ANXA11: variants seen among roughly 807,000 people sequenced by gnomAD.
ANXA11 encodes 56 kDa autoantigen.
ANXA11 carries 57 observed loss-of-function variants against 64.7 expected under a neutral mutation model. That is an observed-to-expected ratio of 0.88 (90% confidence interval 0.71 to 1.10). ANXA11 has a LOEUF of 1.10. ANXA11 is among the 50% of genes least tolerant of loss of function. The probability of loss-of-function intolerance (pLI) is 0.00; values close to 1 mark genes in which losing one functional copy is unlikely to be tolerated. For missense variants in ANXA11, 675 were observed against 670.7 expected (o/e 1.01, Z -0.07); for synonymous variants, 260 against 265.2 (o/e 0.98, Z 0.19).
chr10:80,165,403 C>T (rs1335899888), intron 8 of ANXA11, among the ~76,000 whole-genome samples: 1 of 152,188 alleles, frequency 6.6e-6, no homozygotes, highest in African/African-American at 2.4e-5. Flanking sequence ...AGGACCCAAC[C>T]CTCAGTCAAA....
chr10:80,166,104 C>T lies in ANXA11; in HGVS notation c.838G>A (p.Glu280Lys). 6.2e-7 allele frequency: 1 copy of T among 1,607,148 alleles called. No homozygotes were observed. Among genetic ancestry groups the T allele is most frequent in the Non-Finnish European group, 8.5e-7 (1 of 1,174,360 alleles). ...CACACCTTGATGGCTTCCTTTATCT[C>T]ATAAATGTCAAAGAGGACTGGGGTC... Reference protein sequence around the residue: ...MKTPVLFDIYEIKEAIKGVGT... With the variant: ...MKTPVLFDIYKIKEAIKGVGT... The change falls in exon 8 of 16, where the codon GAG becomes AAG. Residue 280 changes from glutamate to lysine, a missense_variant. By Grantham distance (56) the Glu-to-Lys change is moderately conservative. Transcript: ENST00000422982.
At chr10:80,171,691 A>G in intron 3 of ANXA11, 16 of 985,482 alleles carry the variant, frequency 1.6e-5, no homozygotes, top group Non-Finnish European at 1.8e-5. Flanking sequence ...TTTCCTCTAC[A>G]TGGCAGCTTC....
Position 80,166,070 on chromosome 10 carries a change from A to G in ANXA11, c.858+14T>C. 7.1e-7 allele frequency: 1 copy of G among 1,414,138 alleles called. No homozygotes were observed. Among genetic ancestry groups the G allele is most frequent in the Non-Finnish European group, 1.0e-6 (1 of 1,003,668 alleles). 87.6% of individuals were successfully genotyped at this position (1,414,138 alleles called of 1,614,324 possible). A position where few individuals can be genotyped will look rare whatever the true frequency, so the allele number is the denominator to read the frequency against. ...CACACACACACACACACACACACAC[A>G]CACACGTACACACCTTGATGGCTTC... is the stretch of plus-strand genomic sequence containing the variant. On this transcript the variant is annotated intron_variant, in intron 8 of 15. Coordinates refer to ENST00000422982, the MANE Select transcript of ANXA11 (RefSeq NM_145868.2).
chr10:80,184,570 A>G (rs1208543811), intron 1 of ANXA11, among the ~76,000 whole-genome samples: 4 of 151,796 alleles, frequency 2.6e-5, no homozygotes, highest in Non-Finnish European at 5.9e-5. Flanking sequence ...TTATATAACT[A>G]ATACGAGAGA....
chr10:80,166,225 AC>A (rs765554597), intron 7 of ANXA11, 28 bp from the exon 8 acceptor site: 8 of 1,325,444 alleles, frequency 6.0e-6, no homozygotes, highest in Admixed American at 3.9e-5. Context: ...CAAACAACCA[AC>A]AAAAAAAAAA....
chr10:80,183,400 T>C (rs1846425096), intron 1 of ANXA11, among the ~76,000 whole-genome samples: 1 of 152,208 alleles, frequency 6.6e-6, no homozygotes, highest in Non-Finnish European at 1.5e-5. Context: ...TCCTCTGGGA[T>C]CTCAGGATTT....
intron 14 of ANXA11, 52 bp from the exon 15 acceptor site, chr10:80,157,815 C>T: frequency 6.3e-7 from 1 of 1,598,536 alleles, no homozygotes; most frequent in Non-Finnish European, 8.5e-7. Flanking sequence ...CACCTTCCCA[C>T]CTGCCCTGGG....
chr10:80,197,792 C>T (rs1486467709), intron 1 of ANXA11, among the ~76,000 whole-genome samples: 3 of 152,170 alleles, frequency 2.0e-5, no homozygotes, highest in Middle Eastern at 3.4e-3. Flanking sequence ...AGCGCAGTGG[C>T]GGGCGCCTGT....
At chr10:80,175,325 T>C (rs1013553234) in intron 2 of ANXA11, among the ~76,000 whole-genome samples, 1 of 152,068 alleles carries the variant, frequency 6.6e-6, no homozygotes, top group Middle Eastern at 3.2e-3. Context: ...CGGGATGGTG[T>C]CTCTGTCACC....
intron 15 of ANXA11, among the ~76,000 whole-genome samples, chr10:80,156,154 C>A (rs541501671): frequency 1.3e-5 from 2 of 152,254 alleles, no homozygotes; most frequent in South Asian, 2.1e-4. Flanking sequence ...CAAATGAATA[C>A]CCACAAAAAA....
intron 1 of ANXA11, among the ~76,000 whole-genome samples, chr10:80,200,580 T>C (rs1840377537): frequency 6.6e-6 from 1 of 152,222 alleles, no homozygotes; most frequent in African/African-American, 2.4e-5. Flanking sequence ...TGAGAGTTTT[T>C]GTTATACCTC....
chr10:80,198,423 G>A (rs1840268352), intron 1 of ANXA11, among the ~76,000 whole-genome samples: 1 of 152,228 alleles, frequency 6.6e-6, no homozygotes, highest in Admixed American at 6.5e-5. Flanking sequence ...AAAGTGAGCT[G>A]TCTTGGGCCA....
chr10:80,162,365 C>T (rs12257082), intron 11 of ANXA11, among the ~76,000 whole-genome samples: 4 of 152,138 alleles, frequency 2.6e-5, no homozygotes, highest in Non-Finnish European at 4.4e-5. Context: ...GAGCCCCAGG[C>T]GTGTCCAGCC....
intron 1 of ANXA11, chr10:80,195,933 C>T (rs1254672242): frequency 1.3e-5 from 2 of 152,316 alleles, no homozygotes; most frequent in Non-Finnish European, 2.9e-5. Context: ...GTCTCTTCTA[C>T]AACACGAGGG....
At chr10:80,193,423 T>A (rs1396386800) in intron 1 of ANXA11, among the ~76,000 whole-genome samples, 1 of 152,194 alleles carries the variant, frequency 6.6e-6, no homozygotes, top group Non-Finnish European at 1.5e-5. Context: ...GCCTTTTGGA[T>A]CAACATATTT....
chr10:80,165,548 C>T (rs866220289), intron 8 of ANXA11, among the ~76,000 whole-genome samples: 33 of 152,148 alleles, frequency 2.2e-4, no homozygotes, highest in African/African-American at 7.5e-4. Context: ...CCTCTCCCAC[C>T]CCACATGAAG....
intron 1 of ANXA11, among the ~76,000 whole-genome samples, chr10:80,178,967 G>C (rs1846266449): frequency 6.6e-6 from 1 of 152,186 alleles, no homozygotes; most frequent in South Asian, 2.1e-4. Flanking sequence ...TTCCCTTAAG[G>C]TATTGGACAC....
At chr10:80,161,649 A>G (rs1385002950) in intron 12 of ANXA11, among the ~76,000 whole-genome samples, 1 of 152,188 alleles carries the variant, frequency 6.6e-6, no homozygotes, top group Non-Finnish European at 1.5e-5. Flanking sequence ...GCTTTGGAAA[A>G]CACTGGATTG....
intron 1 of ANXA11, among the ~76,000 whole-genome samples, chr10:80,203,706 G>A (rs149472202): frequency 9.2e-5 from 14 of 152,306 alleles, no homozygotes; most frequent in African/African-American, 3.4e-4. Context: ...GTGCCAGAAG[G>A]GCTGAGTGAG....
Sources: gnomAD v4.1 joint callset for allele counts (sites outside exome capture counted in the v4.1 genomes callset) on GRCh38, gnomAD v4.1.1 for gene constraint, MANE v1.5 for transcripts, NCBI Gene and HGNC (gene_info 2026-07-23, HGNC 2026-07-21) for gene names.